The following DTWD2 variants were observed in gnomAD, a reference collection of about 807,000 sequenced individuals.
The protein encoded by DTWD2 is tRNA-uridine aminocarboxypropyltransferase 2.
In DTWD2, 39 loss-of-function variants were observed where a neutral mutation model predicts 31.8. The observed-to-expected ratio is 1.22, with a 90% CI of 0.95 to 1.60. The LOEUF is 1.60. DTWD2 is among the 40% of genes most tolerant of loss of function. The pLI, the probability that DTWD2 is intolerant of heterozygous loss-of-function variation, is 0.00. For missense variants in DTWD2, 515 were observed against 381.5 expected (o/e 1.35, Z -2.92); for synonymous variants, 180 against 142.8 (o/e 1.26, Z -1.86).
At chr5:118,978,193 C>T (rs1211241053) in intron 1 of DTWD2, among the ~76,000 whole-genome samples, 1 of 151,854 alleles carries the variant, frequency 6.6e-6, no homozygotes, top group Non-Finnish European at 1.5e-5. Flanking sequence ...TGAAACTGGT[C>T]CTCTTCCTTA....
At chr5:118,899,325 A>G (rs1238496641) in intron 4 of DTWD2, among the ~76,000 whole-genome samples, 1 of 152,214 alleles carries the variant, frequency 6.6e-6, no homozygotes, top group African/African-American at 2.4e-5. Flanking sequence ...TATTTATGAA[A>G]TATGGTGTAT....
At chr5:118,877,069 C>T (rs1171744737) in intron 4 of DTWD2, among the ~76,000 whole-genome samples, 2 of 152,192 alleles carry the variant, frequency 1.3e-5, no homozygotes, top group Non-Finnish European at 1.5e-5. Context: ...AAGGTTAGTT[C>T]AACACATGCA....
intron 4 of DTWD2, among the ~76,000 whole-genome samples, chr5:118,927,570 T>C (rs1253673442): frequency 6.6e-6 from 1 of 152,054 alleles, no homozygotes; most frequent in Non-Finnish European, 1.5e-5. Context: ...AATGCATTCC[T>C]GAGTAATTAA....
chr5:118,939,660 T>C (rs191135352), intron 2 of DTWD2, among the ~76,000 whole-genome samples: 2 of 152,322 alleles, frequency 1.3e-5, no homozygotes, highest in Admixed American at 1.3e-4. Flanking sequence ...TGAAGATAAT[T>C]GCCTAGATCT....
intron 2 of DTWD2, among the ~76,000 whole-genome samples, chr5:118,943,725 G>A (rs937378496): frequency 1.3e-5 from 2 of 152,138 alleles, no homozygotes; most frequent in Non-Finnish European, 2.9e-5. Flanking sequence ...GTGACAGAGG[G>A]AGACTCTGTC....
At chr5:118,875,517 G>C (rs1433781502) in intron 4 of DTWD2, among the ~76,000 whole-genome samples, 1 of 51,766 alleles carries the variant, frequency 1.9e-5, no homozygotes, top group East Asian at 6.7e-4. Flanking sequence ...AATCTACCAA[G>C]CAAATAAAAA....
At chr5:118,889,202 G>A (rs1278604437) in intron 4 of DTWD2, among the ~76,000 whole-genome samples, 3 of 152,122 alleles carry the variant, frequency 2.0e-5, no homozygotes, top group Non-Finnish European at 4.4e-5. Flanking sequence ...CCCTGACCTG[G>A]TCCTTCCCTG....
intron 4 of DTWD2, among the ~76,000 whole-genome samples, chr5:118,916,130 A>G (rs922478977): frequency 6.6e-6 from 1 of 152,204 alleles, no homozygotes; most frequent in Non-Finnish European, 1.5e-5. Flanking sequence ...CAGACAACTA[A>G]TATCTCAACG....
At chr5:118,847,537 A>G (rs1751886478) in intron 5 of DTWD2, among the ~76,000 whole-genome samples, 1 of 152,144 alleles carries the variant, frequency 6.6e-6, no homozygotes, top group Admixed American at 6.6e-5. Flanking sequence ...TTAATTATAT[A>G]TGAAATCATC....
At chr5:118,868,336 T>C (rs1044402185) in intron 4 of DTWD2, among the ~76,000 whole-genome samples, 1 of 152,046 alleles carries the variant, frequency 6.6e-6, no homozygotes, top group African/African-American at 2.4e-5. Context: ...GGGGAAATCT[T>C]TACAACATTG....
chr5:118,961,011 TA>T (rs1754693732), intron 1 of DTWD2, among the ~76,000 whole-genome samples: 1 of 151,706 alleles, frequency 6.6e-6, no homozygotes, highest in Non-Finnish European at 1.5e-5. Context: ...AATATGTACA[TA>T]AAACCCCCAT....
At chr5:118,984,805 C>G (rs1755387252) in intron 1 of DTWD2, among the ~76,000 whole-genome samples, 1 of 152,082 alleles carries the variant, frequency 6.6e-6, no homozygotes, top group Non-Finnish European at 1.5e-5. Flanking sequence ...ATGACTCATC[C>G]TCAAATGCAT....
In DTWD2 at chr5:118,839,147, G is replaced by C. The variant is rs1489676916; in HGVS notation, c.*1770C>G. 6.7e-6 allele frequency: 1 copy of C among 150,304 alleles called. No homozygotes were observed. The highest frequency in any genetic ancestry group is 2.5e-5 in the African/African-American group (1 of 39,754). 9.3% of individuals were successfully genotyped at this position (150,304 alleles called of 1,614,324 possible). On this transcript the variant is annotated 3_prime_UTR_variant, in exon 6 of 6. Coordinates refer to ENST00000510708, the MANE Select transcript of DTWD2 (RefSeq NM_173666.4). ...ACTGCACTCCAGCCTGGGCGACAGA[G>C]CGAGATTCCATCTCAAATAATAATA...
intron 4 of DTWD2, among the ~76,000 whole-genome samples, chr5:118,869,118 A>ATGG (rs371732780): frequency 1.6e-4 from 25 of 151,714 alleles, no homozygotes; most frequent in Middle Eastern, 3.4e-3. Flanking sequence ...GCGAAAATGG[A>ATGG]TGGTGGTGGT....
chr5:118,915,423 G>A (rs1013158852), intron 4 of DTWD2, among the ~76,000 whole-genome samples: 1 of 149,216 alleles, frequency 6.7e-6, no homozygotes, highest in Non-Finnish European at 1.5e-5. Flanking sequence ...CGCCCAGGCT[G>A]GAGTGCAGTG....
chr5:118,955,081 T>TA (rs1052712732), intron 1 of DTWD2, among the ~76,000 whole-genome samples: 5 of 152,160 alleles, frequency 3.3e-5, no homozygotes, highest in Non-Finnish European at 7.4e-5. Context: ...AAACAGTTAC[T>TA]AAAAAAATAG....
At chr5:118,909,830 T>C (rs1485751212) in intron 4 of DTWD2, among the ~76,000 whole-genome samples, 3 of 152,182 alleles carry the variant, frequency 2.0e-5, no homozygotes, top group African/African-American at 7.2e-5. Context: ...CTGAAGCCAC[T>C]GTATTCCCCC....
At chr5:118,842,641 A>G (rs944310824) in intron 5 of DTWD2, among the ~76,000 whole-genome samples, 1 of 152,056 alleles carries the variant, frequency 6.6e-6, no homozygotes. Context: ...GCAGGCAAAT[A>G]TAATTCCTTA....
intron 1 of DTWD2, among the ~76,000 whole-genome samples, chr5:118,950,557 G>GC (rs1342937382): frequency 2.6e-5 from 4 of 152,186 alleles, no homozygotes; most frequent in African/African-American, 9.7e-5. Flanking sequence ...TGGCTGCCGG[G>GC]CAAGTTGGAC....
Sources: gnomAD v4.1 joint callset for allele counts (sites outside exome capture counted in the v4.1 genomes callset) on GRCh38, gnomAD v4.1.1 for gene constraint, MANE v1.5 for transcripts, NCBI Gene and HGNC (gene_info 2026-07-23, HGNC 2026-07-21) for gene names.